LRRC34: variants seen among roughly 807,000 people sequenced by gnomAD.
The protein encoded by LRRC34 is leucine-rich repeat-containing protein 34.
A neutral mutation model predicts 48.5 loss-of-function variants in LRRC34; 44 were observed. The observed-to-expected ratio is 0.91, with a 90% CI of 0.71 to 1.17. The LOEUF (loss-of-function observed/expected upper bound fraction) is 1.17. LRRC34 is among the 50% of genes most tolerant of loss of function. The pLI is 0.00. For missense variants in LRRC34, 502 were observed against 563.0 expected (o/e 0.89, Z 1.10); for synonymous variants, 192 against 197.6 (o/e 0.97, Z 0.24).
rs1201020047 is a variant in LRRC34, at chr3:169,812,684, A to G, written c.-136T>C. On this transcript the variant is annotated 5_prime_UTR_variant, in exon 1 of 11. Coordinates refer to ENST00000446859, the MANE Select transcript of LRRC34 (RefSeq NM_001172779.2). The surrounding 1 kb of genome is among the most constrained non-coding windows in gnomAD (Gnocchi z 4.3). Reference sequence around the variant, plus strand: ...CTCACTGCTAAGGCAGTGACCGCCTACTCTGTGGAGGTCCTTTGTCACCCT... The same window carrying G: ...CTCACTGCTAAGGCAGTGACCGCCTGCTCTGTGGAGGTCCTTTGTCACCCT... The G allele has an allele frequency of 8.0e-7, 1 of 1,249,460 alleles. No individual in the cohort carries two copies. 77.4% of individuals were successfully genotyped at this position (1,249,460 alleles called of 1,614,324 possible). A position where few individuals can be genotyped will look rare whatever the true frequency, so the allele number is the denominator to read the frequency against.
At chr3:169,801,844 A>C (rs942690982) in intron 6 of LRRC34, among the ~76,000 whole-genome samples, 1 of 151,938 alleles carries the variant, frequency 6.6e-6, no homozygotes. Flanking sequence ...ATAGGGTCTC[A>C]CTCTGTCGCC....
intron 9 of LRRC34, 181 bp downstream of exon 9, chr3:169,796,033 A>G: frequency 7.8e-7 from 1 of 1,289,054 alleles, no homozygotes; most frequent in Non-Finnish European, 9.9e-7. Flanking sequence ...GAATCAGTCT[A>G]ATTGTAAAAG....
chr3:169,808,993 T>A (rs1433645669), intron 1 of LRRC34, among the ~76,000 whole-genome samples: 1 of 152,172 alleles, frequency 6.6e-6, no homozygotes, highest in Non-Finnish European at 1.5e-5. Context: ...AGACACTGGC[T>A]CAAGTGAGCA....
intron 9 of LRRC34, 47 bp from the exon 10 acceptor site, chr3:169,795,658 T>C: frequency 5.7e-6 from 9 of 1,586,782 alleles, no homozygotes; most frequent in Non-Finnish European, 7.7e-6. Context: ...ATTAGCAACA[T>C]TTATTACAAA....
intron 5 of LRRC34, among the ~76,000 whole-genome samples, chr3:169,805,441 T>G (rs1576744199): frequency 6.6e-6 from 1 of 152,222 alleles, no homozygotes; most frequent in Middle Eastern, 3.4e-3. Context: ...ACAAAAGAAA[T>G]GTAAGATTTG....
rs1779153804 is a variant in LRRC34 at position 169,800,630 on chromosome 3, T to C, written c.753+29A>G. ...TACCTTAGTTTTATTCATGTTGTTA[T>C]ATTAACTACCATCACTTTGAATACA... On this transcript the variant is annotated intron_variant, in intron 7 of 10. Transcript: ENST00000446859. 1.1e-5 allele frequency: 15 copies of C among 1,367,730 alleles called. 1 individual carries two copies. In the East Asian group the frequency reaches 3.3e-4, roughly 30 times the overall value. 84.7% of individuals were successfully genotyped at this position (1,367,730 alleles called of 1,614,324 possible). A position where few individuals can be genotyped will look rare whatever the true frequency, so the allele number is the denominator to read the frequency against.
intron 5 of LRRC34, among the ~76,000 whole-genome samples, chr3:169,806,411 T>C (rs1005154239): frequency 3.3e-5 from 5 of 152,186 alleles, no homozygotes; most frequent in Admixed American, 6.5e-5. Flanking sequence ...ATTCTGTTTA[T>C]ATGAAATGTC....
At chr3:169,796,162 A>G (rs2108223061) in intron 9 of LRRC34, 52 bp downstream of exon 9, 2 of 1,547,202 alleles carry the variant, frequency 1.3e-6, no homozygotes, top group Non-Finnish European at 1.7e-6. Flanking sequence ...TGAGGTTAGT[A>G]TTTAAAAATT....
chr3:169,796,419 T>C (rs1376574618), intron 8 of LRRC34, 50 bp from the exon 9 acceptor site: 4 of 1,563,718 alleles, frequency 2.6e-6, no homozygotes, highest in Non-Finnish European at 3.5e-6. Flanking sequence ...AGTGTTTTTA[T>C]TCATAGTGAT....
intron 6 of LRRC34, among the ~76,000 whole-genome samples, chr3:169,803,798 CT>C (rs1037096606): frequency 2.0e-5 from 3 of 152,186 alleles, no homozygotes; most frequent in Non-Finnish European, 2.9e-5. Context: ...TGAACATGAT[CT>C]TTTTCTAAAA....
At chr3:169,810,388 G>A (rs1779519899) in intron 1 of LRRC34, among the ~76,000 whole-genome samples, 2 of 151,864 alleles carry the variant, frequency 1.3e-5, no homozygotes, top group South Asian at 4.2e-4. Context: ...GGAATCTTTG[G>A]ATATAACTTT....
At chr3:169,795,713 TGTA>T (rs1778961195) in intron 9 of LRRC34, 102 bp from the exon 10 acceptor site, 2 of 1,431,776 alleles carry the variant, frequency 1.4e-6, no homozygotes, top group African/African-American at 1.4e-5. Context: ...TATGTTGTAA[TGTA>T]GTGGTAAAAA....
intron 7 of LRRC34, among the ~76,000 whole-genome samples, chr3:169,798,812 T>G (rs918452618): frequency 2.6e-5 from 4 of 151,918 alleles, no homozygotes; most frequent in Admixed American, 6.6e-5. Context: ...CACACTCACC[T>G]CCCCTGCTTT....
In LRRC34 at chr3:169,807,721, C is replaced by CAAAAAAAAA. The variant is rs377198673; in HGVS notation, c.258-21_258-13dup. ...TTCCTGCTGCTAGCCTGTTAAAATACAAAAAAAAAAAAAAAAAAAAAAGAT... is the reference window on the plus strand; with the variant it reads ...TTCCTGCTGCTAGCCTGTTAAAATACAAAAAAAAAAAAAAAAAAAAAAAAAAAAAAAGAT... On this transcript the variant is annotated splice_polypyrimidine_tract_variant and intron_variant, in intron 2 of 10. Coordinates refer to ENST00000446859, the MANE Select transcript of LRRC34 (RefSeq NM_001172779.2). 7.9e-6 allele frequency: 7 copies of CAAAAAAAAA among 883,716 alleles called. No individual in the cohort carries two copies. Among genetic ancestry groups the CAAAAAAAAA allele is most frequent in the South Asian group, 4.1e-5 (1 of 24,180 alleles). The allele number at this position is 883,716 out of a possible 1,614,324, so 54.7% of individuals were successfully genotyped here.
At chr3:169,802,530 C>T (rs1779230224) in intron 6 of LRRC34, among the ~76,000 whole-genome samples, 1 of 152,170 alleles carries the variant, frequency 6.6e-6, no homozygotes, top group Non-Finnish European at 1.5e-5. Context: ...GTTTCCCCAA[C>T]TAAAATATAA....
intron 7 of LRRC34, among the ~76,000 whole-genome samples, chr3:169,797,245 C>T (rs1250932622): frequency 6.6e-6 from 1 of 152,122 alleles, no homozygotes; most frequent in East Asian, 1.9e-4. Flanking sequence ...TGTAATCCAT[C>T]TTTCAAGTCT....
chr3:169,796,156 G>T (rs761406126), intron 9 of LRRC34, 58 bp downstream of exon 9: 1 of 1,538,178 alleles, frequency 6.5e-7, no homozygotes, highest in Non-Finnish European at 8.7e-7. Context: ...GGGGATTGAG[G>T]TTAGTATTTA....
In LRRC34 at chr3:169,793,857, A is replaced by C. The variant is rs567994273; in HGVS notation, c.1192-19T>G. On this transcript the variant is annotated intron_variant, in intron 10 of 10. Coordinates refer to ENST00000446859, the MANE Select transcript of LRRC34 (RefSeq NM_001172779.2). ...AATATGCCTAGGATTTTTAGGAAAAAAACTATATCATTAAGAAAAAATGTA... is the reference window on the plus strand; with the variant it reads ...AATATGCCTAGGATTTTTAGGAAAACAACTATATCATTAAGAAAAAATGTA... 9.7e-6 allele frequency: 15 copies of C among 1,544,570 alleles called. No homozygotes were observed. In the African/African-American group the frequency reaches 2.1e-4, roughly 21 times the overall value.
intron 10 of LRRC34, chr3:169,794,859 C>T (rs1198035588): frequency 6.6e-6 from 1 of 152,150 alleles, no homozygotes; most frequent in African/African-American, 2.4e-5. Context: ...AGTTCCAGTT[C>T]CAGACTCAAC....
Sources: gnomAD v4.1 joint callset for allele counts (sites outside exome capture counted in the v4.1 genomes callset) on GRCh38, gnomAD v4.1.1 for gene constraint, Gnocchi (gnomAD v3.1) non-coding constraint, MANE v1.5 for transcripts, NCBI Gene and HGNC (gene_info 2026-07-23, HGNC 2026-07-21) for gene names.